The following PTPRD variants were observed in gnomAD, a reference collection of about 807,000 sequenced individuals.
PTPRD encodes the protein protein tyrosine phosphatase receptor type D, also known as receptor-type tyrosine-protein phosphatase delta.
PTPRD carries 34 observed loss-of-function variants against 214.5 expected under a neutral mutation model. The ratio of observed to expected loss-of-function variants is 0.16; its 90% CI spans 0.12 to 0.21. The LOEUF is 0.21. PTPRD is among the 10% of genes least tolerant of loss of function. PTPRD has a pLI of 1.00. For synonymous variants in PTPRD, 1,128 were observed against 845.7 expected, an observed-to-expected ratio of 1.33 and a Z score of -5.79; for missense variants, 2,545 against 2,398.7, an observed-to-expected ratio of 1.06 and a Z score of -1.27.
At chr9:8,347,675 G>A (rs1269549426) in intron 39 of PTPRD, among the ~76,000 whole-genome samples, 2 of 152,124 alleles carry the variant, frequency 1.3e-5, no homozygotes, top group African/African-American at 4.8e-5. Context: ...GGGCCTTTAG[G>A]GAGGTAATTA....
rs533214109 is a variant in PTPRD, at chr9:10,565,114, T to C, written c.-600+47284A>G. ...AGACACTGTGATATACATAATAAAT[T>C]TGATTTCTCAAAGATTACACTTAAA... On this transcript the variant is annotated intron_variant, in intron 2 of 45. Transcript: ENST00000381196. Among the ~76,000 whole-genome samples, 130 of 152,204 alleles carry C rather than the reference T, an allele frequency of 8.5e-4. 2 individuals carry two copies. The highest frequency in any genetic ancestry group is 3.1e-3 in the African/African-American group (127 of 41,542).
At chr9:10,388,497 GC>G (rs2097974128) in intron 2 of PTPRD, among the ~76,000 whole-genome samples, 1 of 138,694 alleles carries the variant, frequency 7.2e-6, no homozygotes, top group Admixed American at 7.3e-5. Context: ...AAAAAAAAAA[GC>G]TAATGGTGCC....
intron 2 of PTPRD, among the ~76,000 whole-genome samples, chr9:10,594,621 C>T (rs2076216561): frequency 6.6e-6 from 1 of 152,064 alleles, no homozygotes; most frequent in African/African-American, 2.4e-5. Flanking sequence ...CTAATGAGAA[C>T]GAATGGCTTA....
chr9:10,426,390 G>C (rs1290397445), intron 2 of PTPRD, among the ~76,000 whole-genome samples: 2 of 151,600 alleles, frequency 1.3e-5, no homozygotes, highest in East Asian at 3.9e-4. Context: ...CTTCAAAAAA[G>C]CCCAAAAATT....
At chr9:9,990,922 G>A (rs1217372034) in intron 4 of PTPRD, among the ~76,000 whole-genome samples, 1 of 144,214 alleles carries the variant, frequency 6.9e-6, no homozygotes, top group Non-Finnish European at 1.5e-5. Context: ...TTCTAGGGAA[G>A]ATGAGTAAAA....
chr9:8,335,482 G>T (rs1274831486), intron 43 of PTPRD, among the ~76,000 whole-genome samples: 1 of 152,102 alleles, frequency 6.6e-6, no homozygotes, highest in Non-Finnish European at 1.5e-5. Flanking sequence ...AGGTACTGAT[G>T]GAACGTATCT....
intron 12 of PTPRD, among the ~76,000 whole-genome samples, chr9:8,679,941 T>C (rs1169015362): frequency 6.6e-6 from 1 of 152,228 alleles, no homozygotes; most frequent in Non-Finnish European, 1.5e-5. Flanking sequence ...ACACTGCATG[T>C]CTACTAGAGA....
intron 8 of PTPRD, among the ~76,000 whole-genome samples, chr9:9,532,735 C>T (rs2075748763): frequency 6.6e-6 from 1 of 152,108 alleles, no homozygotes; most frequent in Non-Finnish European, 1.5e-5. Context: ...TTCAGGAAGG[C>T]TTCCATTTCA....
At chr9:8,848,338 T>A (rs3046021) in intron 11 of PTPRD, among the ~76,000 whole-genome samples, 27,235 of 133,516 alleles carry the variant, frequency 0.2, 2,979 homozygotes, top group South Asian at 0.34. Flanking sequence ...TTTTTTTTTT[T>A]AGTTTTTTGC....
chr9:8,364,660 C>G (rs374953829), intron 39 of PTPRD, among the ~76,000 whole-genome samples: 29 of 152,342 alleles, frequency 1.9e-4, no homozygotes, highest in African/African-American at 6.7e-4. Context: ...TCCACCATCA[C>G]AGCTCCAGGC....
intron 9 of PTPRD, among the ~76,000 whole-genome samples, chr9:9,363,410 C>G (rs976741572): frequency 6.6e-6 from 1 of 151,180 alleles, no homozygotes; most frequent in African/African-American, 2.4e-5. Flanking sequence ...CAAATGGATT[C>G]TCAAACATTT....
chr9:8,600,166 A>G (rs2094752748), intron 14 of PTPRD, among the ~76,000 whole-genome samples: 1 of 152,142 alleles, frequency 6.6e-6, no homozygotes, highest in South Asian at 2.1e-4. Flanking sequence ...GGAAAGCAGA[A>G]CCAGGCTGTA....
chr9:8,794,586 C>T (rs924675058), intron 11 of PTPRD, among the ~76,000 whole-genome samples: 1 of 150,598 alleles, frequency 6.6e-6, no homozygotes, highest in Non-Finnish European at 1.5e-5. Context: ...TCAAGCAATC[C>T]TCCTGTCTTA....
intron 8 of PTPRD, among the ~76,000 whole-genome samples, chr9:9,524,444 T>A (rs565589706): frequency 6.6e-6 from 1 of 152,230 alleles, no homozygotes; most frequent in Non-Finnish European, 1.5e-5. Flanking sequence ...TGCTTAATAC[T>A]AATAATGCAA....
At chr9:9,541,402 A>G (rs2077558976) in intron 8 of PTPRD, among the ~76,000 whole-genome samples, 1 of 151,810 alleles carries the variant, frequency 6.6e-6, no homozygotes, top group African/African-American at 2.4e-5. Flanking sequence ...TGAAGGCCCC[A>G]GAAATAGGAG....
intron 11 of PTPRD, among the ~76,000 whole-genome samples, chr9:9,008,768 G>A (rs1251242413): frequency 6.6e-6 from 1 of 151,980 alleles, no homozygotes; most frequent in Non-Finnish European, 1.5e-5. Context: ...GGGATTTGCT[G>A]GTAATATGAT....
chr9:9,070,060 G>A (rs1345474199), intron 10 of PTPRD, among the ~76,000 whole-genome samples: 1 of 152,182 alleles, frequency 6.6e-6, no homozygotes, highest in Non-Finnish European at 1.5e-5. Context: ...AGTCCTTGAG[G>A]AATCAGTCAT....
intron 5 of PTPRD, among the ~76,000 whole-genome samples, chr9:9,813,146 A>C (rs1370747804): frequency 6.6e-6 from 1 of 152,106 alleles, no homozygotes; most frequent in Non-Finnish European, 1.5e-5. Context: ...ACGCAGTACA[A>C]GAAGTCCTAA....
chr9:9,129,991 A>G (rs1336708477), intron 10 of PTPRD, among the ~76,000 whole-genome samples: 1 of 152,200 alleles, frequency 6.6e-6, no homozygotes, highest in African/African-American at 2.4e-5. Context: ...GTTAAGATAT[A>G]TTAAGCACTT....
Sources: gnomAD v4.1 joint callset for allele counts (sites outside exome capture counted in the v4.1 genomes callset) on GRCh38, gnomAD v4.1.1 for gene constraint, MANE v1.5 for transcripts, NCBI Gene and HGNC (gene_info 2026-07-23, HGNC 2026-07-21) for gene names.